PXDN: variants seen among roughly 807,000 people sequenced by gnomAD.
PXDN encodes the protein peroxidasin homolog.
A neutral mutation model predicts 140.3 loss-of-function variants in PXDN; 77 were observed. The observed-to-expected ratio is 0.55, with a 90% CI of 0.46 to 0.66. PXDN has a LOEUF of 0.66. PXDN is among the 30% of genes least tolerant of loss of function. The probability of loss-of-function intolerance (pLI) is 0.00; values close to 1 mark genes in which losing one functional copy is unlikely to be tolerated. For synonymous variants in PXDN, 911 were observed against 857.4 expected, an observed-to-expected ratio of 1.06 and a Z score of -1.09; for missense variants, 1,838 against 2,039.5, an observed-to-expected ratio of 0.90 and a Z score of 1.90.
rs759193368 is a variant in PXDN, at chr2:1,691,879, A to C, written c.344+49T>G. The C allele has an allele frequency of 1.1e-5, 13 of 1,197,018 alleles. No individual in the cohort carries two copies. In the South Asian group the frequency reaches 2.0e-4, roughly 18 times the overall value. The allele number at this position is 1,197,018 out of a possible 1,614,324, so 74.1% of individuals were successfully genotyped here. A position where few individuals can be genotyped will look rare whatever the true frequency, so the allele number is the denominator to read the frequency against. On this transcript the variant is annotated intron_variant, in intron 3 of 22. Transcript: ENST00000252804. The stretch of plus-strand genomic sequence containing the variant: ...ACGAAATTTAGCTCTATTTTTAAGT[A>C]ATCTAGATACCATAAGCTTTTAGGT...
At chr2:1,725,930 A>G (rs1572196754) in intron 1 of PXDN, among the ~76,000 whole-genome samples, 1 of 150,658 alleles carries the variant, frequency 6.6e-6, no homozygotes, top group African/African-American at 2.4e-5. Context: ...AGGAAGCAAC[A>G]GGTGCTGGAG....
In PXDN at chr2:1,649,213, G is replaced by C. The variant is rs376527524; in HGVS notation, c.2567C>G (p.Pro856Arg). 9 of 1,606,684 alleles carry C rather than the reference G, an allele frequency of 5.6e-6. No individual in the cohort carries two copies. The highest frequency in any genetic ancestry group is 6.8e-6 in the Non-Finnish European group (8 of 1,176,420). Residue 856 changes from proline (P) to arginine (R), a missense_variant, in exon 17 of 23, where the codon CCC becomes CGC. By Grantham distance (103) the Pro-to-Arg change is moderately radical (BLOSUM62 -2). This residue lies in a region of PXDN where 850 missense variants were observed against 894.1 expected (regional missense o/e 0.95). Transcript: ENST00000252804. The surrounding 1 kb of genome is among the most constrained non-coding windows in gnomAD (Gnocchi z 7.1). ...GGGGGGGATCATGACAGAGAAGCAG[G>C]GGGGGTCGTTGCTGCACACGTTGCT... ...HCSNVCSNDP[P>R]CFSVMIPPND... is the part of the protein sequence containing the mutation.
At chr2:1,650,338 G>A (rs1360393696) in intron 16 of PXDN, among the ~76,000 whole-genome samples, 1 of 152,048 alleles carries the variant, frequency 6.6e-6, no homozygotes, top group Non-Finnish European at 1.5e-5. Flanking sequence ...TCATCCACAC[G>A]CCCTCCCCAC....
chr2:1,662,870 C>T (rs1683338590), intron 12 of PXDN, among the ~76,000 whole-genome samples: 1 of 152,186 alleles, frequency 6.6e-6, no homozygotes, highest in Admixed American at 6.5e-5. Flanking sequence ...CCAGCCCTAT[C>T]CTCCCCGCAC....
intron 1 of PXDN, among the ~76,000 whole-genome samples, chr2:1,716,662 C>T (rs1684903590): frequency 6.6e-6 from 1 of 152,098 alleles, no homozygotes; most frequent in African/African-American, 2.4e-5. Context: ...CGGAAAGAGA[C>T]GGGCACCTGC....
Position 1,633,997 on chromosome 2 carries a change from C to T in PXDN, c.*207G>A. Reference sequence around the variant, plus strand: ...TGAAGCTAGGACTCCTGCCTGCTTCCCTTCAGGCACCTGCTGTGCCTCCTT... The same window carrying T: ...TGAAGCTAGGACTCCTGCCTGCTTCTCTTCAGGCACCTGCTGTGCCTCCTT... On this transcript the variant is annotated 3_prime_UTR_variant, in exon 23 of 23. Transcript: ENST00000252804. The T allele has an allele frequency of 1.7e-6, 1 of 578,670 alleles. No individual in the cohort carries two copies. Among genetic ancestry groups the T allele is most frequent in the Non-Finnish European group, 2.8e-6 (1 of 361,466 alleles). 35.8% of individuals were successfully genotyped at this position (578,670 alleles called of 1,614,324 possible).
intron 1 of PXDN, among the ~76,000 whole-genome samples, chr2:1,698,789 C>T (rs1262899176): frequency 3.3e-5 from 5 of 152,104 alleles, no homozygotes; most frequent in South Asian, 2.1e-4. Flanking sequence ...TAGGGAACGT[C>T]GACGCCAACA....
At chr2:1,681,316 T>C (rs775400637) in intron 6 of PXDN, among the ~76,000 whole-genome samples, 1 of 152,076 alleles carries the variant, frequency 6.6e-6, no homozygotes, top group Non-Finnish European at 1.5e-5. Context: ...TCCCTTTTTT[T>C]TTTCCTTTTT....
rs528530401 is a variant in PXDN, at chr2:1,731,481, C to T, written c.200+12775G>A. Among the ~76,000 whole-genome samples the T allele has an allele frequency of 6.6e-5, 10 of 152,308 alleles. No homozygotes were observed. The South Asian group carries it at 2.1e-3, about 32-fold the overall frequency. On this transcript the variant is annotated intron_variant, in intron 1 of 22. Transcript: ENST00000252804. ...GAGCCTTCACATAACCTCCTCTCTCCCCTTCCGTGACAGCTTCGAGGCCAG... is the reference window on the plus strand; with the variant it reads ...GAGCCTTCACATAACCTCCTCTCTCTCCTTCCGTGACAGCTTCGAGGCCAG...
Position 1,685,798 on chromosome 2 carries a change from G to C in PXDN, c.417-1647C>G, listed in dbSNP as rs1471969475. Among the ~76,000 whole-genome samples the C allele has an allele frequency of 2.6e-5, 4 of 152,014 alleles. No individual in the cohort carries two copies. The highest frequency in any genetic ancestry group is 5.9e-5 in the Non-Finnish European group (4 of 67,990). On this transcript the variant is annotated intron_variant, in intron 4 of 22. Transcript: ENST00000252804. This position sits in a 1 kb window ranked among gnomAD's most constrained non-coding sequence, Gnocchi z 5.1. ...GGATCTTAGAGAGGCTGGGGCCCCA[G>C]GCAGCCTGGGGTGTCCTCCACCCCT...
chr2:1,703,236 T>C (rs1405319835), intron 1 of PXDN, among the ~76,000 whole-genome samples: 1 of 4,604 alleles, frequency 2.2e-4, no homozygotes, highest in Admixed American at 3.4e-3. Flanking sequence ...GGGCAACTCC[T>C]GGTGAAGGGG....
chr2:1,634,313 A>C lies in PXDN; in HGVS notation c.4331T>G (p.Val1444Gly). ...GGGGCAAGCTTCCACGAAGCAGGTG[A>C]CCTGCCCGTCCTGGAGAAGAGAGAC... is the stretch of plus-strand genomic sequence containing the variant. ...CTICECKDGQ[V>G]TCFVEACPPA... The change falls in exon 23 of 23, where the codon GTC becomes GGC. Residue 1444 changes from valine (V) to glycine (G), a missense_variant. By Grantham distance (109) the Val-to-Gly change is moderately radical. Coordinates refer to ENST00000252804, the MANE Select transcript of PXDN (RefSeq NM_012293.3). 1.3e-6 allele frequency: 2 copies of C among 1,588,686 alleles called. No individual in the cohort carries two copies. Among genetic ancestry groups the C allele is most frequent in the Non-Finnish European group, 1.7e-6 (2 of 1,167,210 alleles).
At position 1,684,109 on chromosome 2, in the gene PXDN, C is replaced by T. The variant is rs761746811; in HGVS notation, c.459G>A (p.Ser153=). Residue 153 remains serine (S), a synonymous_variant, in exon 5 of 23, where the codon TCG becomes TCA. Transcript: ENST00000252804. ...TCTCGAGCTTCGGGAGATGCTGGAACGAATCTGGGTCCAAAGTTTCTATCT... is the reference window on the plus strand; with the variant it reads ...TCTCGAGCTTCGGGAGATGCTGGAATGAATCTGGGTCCAAAGTTTCTATCT... ...FNQIETLDPD[S]FQHLPKLERL... is the part of the protein sequence containing the mutation. 2.7e-5 allele frequency: 43 copies of T among 1,587,784 alleles called. No individual in the cohort carries two copies. Among genetic ancestry groups the T allele is most frequent in the African/African-American group, 1.7e-4 (13 of 74,322 alleles).
Position 1,723,497 on chromosome 2 carries a change from T to C in PXDN, c.200+20759A>G, listed in dbSNP as rs1031485614. ...ACTAATAAATGGGCAGATGGATGAATGAGTAAATTAATGGATAGATAGAAG... is the reference window on the plus strand; with the variant it reads ...ACTAATAAATGGGCAGATGGATGAACGAGTAAATTAATGGATAGATAGAAG... On this transcript the variant is annotated intron_variant, in intron 1 of 22. Coordinates refer to ENST00000252804, the MANE Select transcript of PXDN (RefSeq NM_012293.3). 1.8e-4 allele frequency among the ~76,000 whole-genome samples: 28 copies of C among 152,164 alleles called. 1 individual carries two copies. The highest frequency in any genetic ancestry group is 3.4e-3 in the Middle Eastern group (1 of 292).
intron 19 of PXDN, among the ~76,000 whole-genome samples, chr2:1,642,790 G>C (rs73178778): frequency 0.11 from 17,143 of 152,280 alleles, 1,391 homozygotes; most frequent in African/African-American, 0.24. Context: ...GGAAGACGGA[G>C]CTGGCACTCC....
chr2:1,693,011 A>G, intron 2 of PXDN, 52 bp downstream of exon 2: 4 of 1,450,984 alleles, frequency 2.8e-6, no homozygotes, highest in Non-Finnish European at 3.8e-6. Flanking sequence ...CAGATAAACA[A>G]TGTAATGATT....
rs781516373 is a variant in PXDN, at chr2:1,648,916, G to T, written c.2864C>A (p.Pro955Gln). 11 of 1,601,322 alleles carry T rather than the reference G, an allele frequency of 6.9e-6. No individual in the cohort carries two copies. The highest frequency in any genetic ancestry group is 9.4e-6 in the Non-Finnish European group (11 of 1,174,850). Residue 955 changes from proline to glutamine, a missense_variant, in exon 17 of 23, where the codon CCG (proline) becomes CAG (glutamine). This residue lies in a region of PXDN where 850 missense variants were observed against 894.1 expected (regional missense o/e 0.95). Coordinates refer to ENST00000252804, the MANE Select transcript of PXDN (RefSeq NM_012293.3). This position sits in a 1 kb window ranked among gnomAD's most constrained non-coding sequence, Gnocchi z 8.9. ...GKPLLPFATGPPTECMRDENE... is the reference protein window; with the variant it reads ...GKPLLPFATGQPTECMRDENE... ...CTCGTCCCGCATGCACTCCGTGGGCGGCCCGGTGGCGAAGGGGAGCAGCGG... is the reference window on the plus strand; with the variant it reads ...CTCGTCCCGCATGCACTCCGTGGGCTGCCCGGTGGCGAAGGGGAGCAGCGG...
In PXDN at chr2:1,648,770, T is replaced by G. The variant is rs1205254462; in HGVS notation, c.3010A>C (p.Lys1004Gln). 1 of 1,604,496 alleles carries G rather than the reference T, an allele frequency of 6.2e-7. No individual in the cohort carries two copies. The highest frequency in any genetic ancestry group is 1.3e-5 in the African/African-American group (1 of 74,736). Residue 1004 changes from lysine (K) to glutamine (Q), a missense_variant, in exon 17 of 23, where the codon AAG becomes CAG. By Grantham distance (53) the Lys-to-Gln change is moderately conservative (BLOSUM62 1). Transcript: ENST00000252804. This position sits in a 1 kb window ranked among gnomAD's most constrained non-coding sequence, Gnocchi z 8.9. ...EHNRIATELL[K>Q]LNPHWDGDTI... ...TCGCCGTCCCAGTGCGGGTTCAGCTTGAGCAGCTCCGTGGCAATGCGGTTG... is the reference window on the plus strand; with the variant it reads ...TCGCCGTCCCAGTGCGGGTTCAGCTGGAGCAGCTCCGTGGCAATGCGGTTG...
At chr2:1,705,189 C>T (rs1684564369) in intron 1 of PXDN, among the ~76,000 whole-genome samples, 1 of 152,092 alleles carries the variant, frequency 6.6e-6, no homozygotes, top group Non-Finnish European at 1.5e-5. Context: ...AGCATGTCTG[C>T]ACACATCCCA....
Sources: gnomAD v4.1 joint callset for allele counts (sites outside exome capture counted in the v4.1 genomes callset) on GRCh38, gnomAD v4.1.1 for gene constraint, gnomAD v4.1.1 regional missense constraint, Gnocchi (gnomAD v3.1) non-coding constraint, MANE v1.5 for transcripts, NCBI Gene and HGNC (gene_info 2026-07-23, HGNC 2026-07-21) for gene names.